Variants in FBLN2 observed in about 807,000 individuals in gnomAD.
The protein encoded by FBLN2 is fibulin-2.
FBLN2 carries 81 observed loss-of-function variants against 123.7 expected under a neutral mutation model. The observed-to-expected ratio is 0.65, with a 90% CI of 0.55 to 0.79. FBLN2 has a LOEUF of 0.79. FBLN2 is among the 30% of genes least tolerant of loss of function. The pLI, the probability that FBLN2 is intolerant of heterozygous loss-of-function variation, is 0.00. For synonymous variants in FBLN2, 699 were observed against 701.4 expected, an observed-to-expected ratio of 1.00 and a Z score of 0.05; for missense variants, 1,603 against 1,681.3, an observed-to-expected ratio of 0.95 and a Z score of 0.81.
intron 2 of FBLN2, among the ~76,000 whole-genome samples, chr3:13,593,324 A>C (rs1704735284): frequency 6.6e-6 from 1 of 152,202 alleles, no homozygotes; most frequent in South Asian, 2.1e-4. Context: ...ACATAAGGAA[A>C]TGTTTTCAAG....
chr3:13,628,975 C>T lies in FBLN2; in HGVS notation c.2640C>T (p.Ser880=). The change falls in exon 12 of 18, where the codon TCC becomes TCT. Residue 880 remains serine (S), a synonymous_variant. Transcript: ENST00000404922. ...TCAGCTGCATCAACACGGTGGGCTC[C>T]TACACATGCCAGAGGAACCCGCTGA... ...PGFSCINTVG[S]YTCQRNPLIC... 7 of 1,613,656 alleles carry T rather than the reference C, an allele frequency of 4.3e-6. No individual in the cohort carries two copies. Among genetic ancestry groups the T allele is most frequent in the Non-Finnish European group, 5.1e-6 (6 of 1,179,796 alleles).
At chr3:13,579,356 C>T (rs759388864) in intron 2 of FBLN2, among the ~76,000 whole-genome samples, 1 of 152,212 alleles carries the variant, frequency 6.6e-6, no homozygotes, top group African/African-American at 2.4e-5. Flanking sequence ...CCACTATACA[C>T]TGCACTGGGG....
chr3:13,582,069 TG>T (rs1559407452), intron 2 of FBLN2, among the ~76,000 whole-genome samples: 1 of 152,102 alleles, frequency 6.6e-6, no homozygotes, highest in Non-Finnish European at 1.5e-5. Flanking sequence ...CCCAGAGCTG[TG>T]TTCTCAATGG....
At chr3:13,560,392 CT>C (rs1703571277) in intron 1 of FBLN2, among the ~76,000 whole-genome samples, 2 of 152,144 alleles carry the variant, frequency 1.3e-5, no homozygotes, top group African/African-American at 4.8e-5. Context: ...ACCTGGTACC[CT>C]AAGCCCCACC....
intron 2 of FBLN2, among the ~76,000 whole-genome samples, chr3:13,587,674 C>T (rs758037900): frequency 9.9e-5 from 15 of 152,216 alleles, no homozygotes; most frequent in African/African-American, 1.4e-4. Context: ...AACTTCAGCA[C>T]AGACTTTAAG....
chr3:13,637,738 A>G lies in FBLN2; in HGVS notation c.3515A>G (p.Asn1172Ser). The change falls in exon 18 of 18, where the codon AAT becomes AGT. Residue 1172 changes from asparagine (N) to serine (S), a missense_variant. Transcript: ENST00000404922. ...DTIALNIIKG[N>S]EEGYFGTRRL... Reference sequence around the variant, plus strand: ...ATCGCCCTGAACATCATCAAGGGCAATGAGGAGGGCTACTTTGGCACGCGC... The same window carrying G: ...ATCGCCCTGAACATCATCAAGGGCAGTGAGGAGGGCTACTTTGGCACGCGC... The G allele has an allele frequency of 6.2e-7, 1 of 1,613,994 alleles. No homozygotes were observed. The highest frequency in any genetic ancestry group is 8.5e-7 in the Non-Finnish European group (1 of 1,179,860).
chr3:13,612,974 G>C (rs922935122), intron 4 of FBLN2, among the ~76,000 whole-genome samples: 1 of 152,142 alleles, frequency 6.6e-6, no homozygotes, highest in Non-Finnish European at 1.5e-5. Context: ...TCCTGGGGGC[G>C]GGGGTGAGTG....
chr3:13,601,863 G>A (rs1240537952), intron 2 of FBLN2, among the ~76,000 whole-genome samples: 1 of 152,224 alleles, frequency 6.6e-6, no homozygotes, highest in Non-Finnish European at 1.5e-5. Context: ...AGTGGCACAA[G>A]CATGGCTCAC....
At chr3:13,554,969 T>A (rs1279553841) in intron 1 of FBLN2, among the ~76,000 whole-genome samples, 138 of 145,752 alleles carry the variant, frequency 9.5e-4, no homozygotes, top group Non-Finnish European at 1.4e-3. Context: ...TTTTTTTTTT[T>A]AAATACTGAA....
At chr3:13,608,480 G>A (rs1436954669) in intron 3 of FBLN2, among the ~76,000 whole-genome samples, 5 of 152,234 alleles carry the variant, frequency 3.3e-5, no homozygotes, top group Admixed American at 2.6e-4. Context: ...GAATAGTCGG[G>A]TGCTCCCCTC....
At chr3:13,606,841 C>T (rs1486558742) in intron 2 of FBLN2, among the ~76,000 whole-genome samples, 2 of 150,728 alleles carry the variant, frequency 1.3e-5, no homozygotes, top group Non-Finnish European at 2.9e-5. Flanking sequence ...TTAGTAGAGA[C>T]GGAGTTTCTC....
chr3:13,549,484 C>T (rs1001521956), intron 1 of FBLN2, among the ~76,000 whole-genome samples: 1 of 151,858 alleles, frequency 6.6e-6, no homozygotes, highest in African/African-American at 2.4e-5. Flanking sequence ...CGGGTTCCCC[C>T]ACCCCAGGTC....
At chr3:13,559,252 A>G (rs552158365) in intron 1 of FBLN2, among the ~76,000 whole-genome samples, 1 of 51,782 alleles carries the variant, frequency 1.9e-5, no homozygotes, top group African/African-American at 5.2e-5. Flanking sequence ...TAGGTTAATC[A>G]AAAGGGGTTC....
chr3:13,552,083 C>A (rs775975824), intron 1 of FBLN2, among the ~76,000 whole-genome samples: 1 of 152,112 alleles, frequency 6.6e-6, no homozygotes, highest in Admixed American at 6.6e-5. Context: ...AAGTGATCCT[C>A]ACTCACAGCA....
intron 2 of FBLN2, among the ~76,000 whole-genome samples, chr3:13,600,108 A>T (rs1213079799): frequency 6.8e-6 from 1 of 146,578 alleles, no homozygotes; most frequent in African/African-American, 2.6e-5. Flanking sequence ...GGGACCTGTG[A>T]GAGGTGGTCT....
At chr3:13,568,662 C>A in intron 1 of FBLN2, 1 of 520,948 alleles carries the variant, frequency 1.9e-6, no homozygotes, top group Non-Finnish European at 2.3e-6. Context: ...GCCTGACGCC[C>A]TCCTCAGAGA....
rs1436609234 is a variant in FBLN2 at position 13,619,845 on chromosome 3, G to A, written c.2155+14G>A. 6.2e-7 allele frequency: 1 copy of A among 1,604,540 alleles called. No homozygotes were observed. Among genetic ancestry groups the A allele is most frequent in the African/African-American group, 1.3e-5 (1 of 74,482 alleles). On this transcript the variant is annotated intron_variant, in intron 8 of 17. Transcript: ENST00000404922. ...TGTCCTGTGAAGGTGAGTGCCTTGG[G>A]GTGCCCTCCTACCTGTGCAAACCTG...
At chr3:13,633,684 C>G (rs1421326487) in intron 16 of FBLN2, among the ~76,000 whole-genome samples, 1 of 152,188 alleles carries the variant, frequency 6.6e-6, no homozygotes, top group East Asian at 1.9e-4. Flanking sequence ...TGGATAATGT[C>G]CCCGTTAGCC....
Position 13,637,787 on chromosome 3 carries a change from G to T in FBLN2, c.3564G>T (p.Val1188=). 1 of 1,613,930 alleles carries T rather than the reference G, an allele frequency of 6.2e-7. No individual in the cohort carries two copies. The highest frequency in any genetic ancestry group is 8.5e-7 in the Non-Finnish European group (1 of 1,179,836). The change falls in exon 18 of 18, where the codon GTG becomes GTT. Residue 1188 remains valine (V), a synonymous_variant. Coordinates refer to ENST00000404922, the MANE Select transcript of FBLN2 (RefSeq NM_001004019.2). The part of the protein sequence containing the change: ...GTRRLNAYTG[V]VYLQRAVLEP... ...GCAGGCTCAATGCCTACACGGGTGT[G>T]GTCTACCTGCAGCGGGCCGTGCTGG...
Sources: gnomAD v4.1 joint callset for allele counts (sites outside exome capture counted in the v4.1 genomes callset) on GRCh38, gnomAD v4.1.1 for gene constraint, MANE v1.5 for transcripts, NCBI Gene and HGNC (gene_info 2026-07-23, HGNC 2026-07-21) for gene names.